RMDN2: variants seen among roughly 807,000 people sequenced by gnomAD.
The protein encoded by RMDN2 is regulator of microtubule dynamics 2.
In RMDN2, 61 loss-of-function variants were observed where a neutral mutation model predicts 52.8. That is an observed-to-expected ratio of 1.16 (90% confidence interval 0.94 to 1.43). RMDN2 has a LOEUF of 1.43. Among genes scored for constraint, RMDN2 ranks in the 40% most tolerant of loss-of-function variants. RMDN2 has a pLI of 0.00. For synonymous variants in RMDN2, 180 were observed against 153.1 expected, an observed-to-expected ratio of 1.18 and a Z score of -1.30; for missense variants, 592 against 475.3, an observed-to-expected ratio of 1.25 and a Z score of -2.28.
chr2:38,056,976 G>C (rs1161785427), intron 10 of RMDN2, among the ~76,000 whole-genome samples: 3 of 152,032 alleles, frequency 2.0e-5, no homozygotes, highest in Non-Finnish European at 4.4e-5. Context: ...CTGCTTCCTA[G>C]TGCCTTATTT....
intron 2 of RMDN2, among the ~76,000 whole-genome samples, chr2:37,954,548 C>G (rs1669217618): frequency 6.6e-6 from 1 of 152,052 alleles, no homozygotes; most frequent in South Asian, 2.1e-4. Flanking sequence ...TTTTCTTTCA[C>G]CAGCCTATAC....
chr2:37,998,554 A>G (rs1675886042), intron 8 of RMDN2, among the ~76,000 whole-genome samples: 1 of 152,116 alleles, frequency 6.6e-6, no homozygotes. Context: ...CGTCTTGTAC[A>G]TGCTAATATT....
chr2:38,027,255 G>T lies in RMDN2; in HGVS notation c.1713+23039G>T, dbSNP rs565956944. ...CAGACCTGGATGCTCTCTCAAAGCA[G>T]TAAGCTGGGACAATAAGAAGGTTCA... is the stretch of plus-strand genomic sequence containing the variant. On this transcript the variant is annotated intron_variant, in intron 10 of 10. Transcript: ENST00000234195. The T allele has an allele frequency of 2.6e-5, 4 of 152,162 alleles. No individual in the cohort carries two copies. In the East Asian group the frequency reaches 7.7e-4, roughly 29 times the overall value. 9.4% of individuals were successfully genotyped at this position (152,162 alleles called of 1,614,324 possible).
intron 2 of RMDN2, chr2:37,950,566 G>A (rs762360719): frequency 2.5e-6 from 4 of 1,613,070 alleles, no homozygotes; most frequent in Admixed American, 1.7e-5. Flanking sequence ...ACTTACTTTG[G>A]ATTAAATTTA....
chr2:37,981,710 C>T (rs1673341946), intron 5 of RMDN2, among the ~76,000 whole-genome samples: 1 of 152,074 alleles, frequency 6.6e-6, no homozygotes, highest in Non-Finnish European at 1.5e-5. Context: ...ATTTCTTATG[C>T]ATTGATGCAT....
chr2:37,987,991 A>G (rs984383117), intron 5 of RMDN2, among the ~76,000 whole-genome samples: 2 of 152,182 alleles, frequency 1.3e-5, no homozygotes, highest in Non-Finnish European at 2.9e-5. Context: ...CCTGGGAGGC[A>G]GAGGTTGCAG....
At chr2:38,028,720 C>G (rs1372569390) in intron 10 of RMDN2, among the ~76,000 whole-genome samples, 1 of 152,154 alleles carries the variant, frequency 6.6e-6, no homozygotes, top group East Asian at 1.9e-4. Flanking sequence ...CCCATTCCTA[C>G]CCCCATCTCA....
intron 2 of RMDN2, among the ~76,000 whole-genome samples, chr2:37,945,070 G>C (rs1668113575): frequency 6.6e-6 from 1 of 152,188 alleles, no homozygotes; most frequent in African/African-American, 2.4e-5. Flanking sequence ...ACTTTATTAA[G>C]CTCAAGATAG....
intron 10 of RMDN2, among the ~76,000 whole-genome samples, chr2:38,058,249 G>A (rs879212943): frequency 1.3e-5 from 2 of 152,234 alleles, no homozygotes; most frequent in Non-Finnish European, 2.9e-5. Flanking sequence ...GGCTAGGGAA[G>A]GGGGTGAAGG....
chr2:37,944,899 A>G (rs551125201), intron 2 of RMDN2, among the ~76,000 whole-genome samples: 8 of 152,354 alleles, frequency 5.3e-5, no homozygotes, highest in African/African-American at 1.9e-4. Flanking sequence ...AGAGGGCAAG[A>G]GTAAAGATGC....
chr2:37,987,028 G>T (rs1188741457), intron 5 of RMDN2, among the ~76,000 whole-genome samples: 2 of 151,768 alleles, frequency 1.3e-5, no homozygotes, highest in Admixed American at 6.6e-5. Context: ...TGGGAGGGAA[G>T]AAATAAAATT....
chr2:38,054,559 G>A (rs1372429943), intron 10 of RMDN2, among the ~76,000 whole-genome samples: 1 of 152,158 alleles, frequency 6.6e-6, no homozygotes, highest in Non-Finnish European at 1.5e-5. Context: ...GAAAAGACTA[G>A]AGTCTTACAT....
At chr2:37,924,850 T>A (rs1202659875), upstream of RMDN2, among the ~76,000 whole-genome samples, 1 of 152,208 alleles carries the variant, frequency 6.6e-6, no homozygotes, top group Non-Finnish European at 1.5e-5. Context: ...GATAAAGCTA[T>A]GAACACGGGG....
intron 2 of RMDN2, among the ~76,000 whole-genome samples, chr2:37,949,405 C>T (rs186408593): frequency 1.3e-5 from 2 of 152,152 alleles, no homozygotes; most frequent in Admixed American, 6.5e-5. Flanking sequence ...AGGCAAGTGT[C>T]CTTGGGCCCT....
At chr2:37,977,603 G>T (rs918000982) in intron 4 of RMDN2, among the ~76,000 whole-genome samples, 3 of 152,112 alleles carry the variant, frequency 2.0e-5, no homozygotes, top group Middle Eastern at 3.4e-3. Context: ...TCACTTCTCA[G>T]ACCGGGCGGC....
At chr2:38,038,453 G>A (rs943813706) in intron 10 of RMDN2, among the ~76,000 whole-genome samples, 1 of 152,210 alleles carries the variant, frequency 6.6e-6, no homozygotes, top group Non-Finnish European at 1.5e-5. Context: ...CCCGTATTGA[G>A]CAAGCTGTTT....
intron 2 of RMDN2, among the ~76,000 whole-genome samples, chr2:37,959,018 G>A (rs552026762): frequency 6.6e-6 from 1 of 151,164 alleles, no homozygotes; most frequent in East Asian, 1.9e-4. Flanking sequence ...TGATTGTGGT[G>A]GATAGCTATT....
chr2:38,030,638 T>C (rs955527098), intron 10 of RMDN2: 2 of 152,258 alleles, frequency 1.3e-5, no homozygotes, highest in African/African-American at 4.8e-5. Flanking sequence ...ACATTTAATT[T>C]TTCAAACTGT....
chr2:37,959,635 G>A (rs890475345), intron 2 of RMDN2, among the ~76,000 whole-genome samples: 1 of 150,588 alleles, frequency 6.6e-6, no homozygotes, highest in Admixed American at 6.6e-5. Context: ...AGGGTTTTTC[G>A]TGTCTCTATC....
Sources: allele counts gnomAD v4.1 joint callset (sites outside exome capture counted in the v4.1 genomes callset), GRCh38; gene constraint gnomAD v4.1.1; transcripts MANE v1.5; gene names NCBI Gene and HGNC (gene_info 2026-07-23, HGNC 2026-07-21).